The following BRCA1 variants were observed in gnomAD, a reference collection of about 807,000 sequenced individuals.
BRCA1 encodes breast cancer type 1 susceptibility protein.
BRCA1 carries 140 observed loss-of-function variants against 173.7 expected under a neutral mutation model. That is an observed-to-expected ratio of 0.81 (90% CI 0.70 to 0.93). The LOEUF (loss-of-function observed/expected upper bound fraction) is 0.93. Ranked by LOEUF, BRCA1 falls within the 40% of genes least tolerant of loss-of-function variation. The pLI, the probability that BRCA1 is intolerant of heterozygous loss-of-function variation, is 0.00. For synonymous variants in BRCA1, 662 were observed against 756.0 expected, an observed-to-expected ratio of 0.88 and a Z score of 2.04; for missense variants, 1,983 against 2,172.5, an observed-to-expected ratio of 0.91 and a Z score of 1.73.
intron 2 of BRCA1, 114 bp downstream of exon 2, chr17:43,123,903 G>T: frequency 1.2e-6 from 1 of 836,834 alleles, no homozygotes. Flanking sequence ...AATTACAATA[G>T]CCTAATCTTA....
At chr17:43,080,012 A>T (rs1288911508) in intron 12 of BRCA1, among the ~76,000 whole-genome samples, 1 of 152,178 alleles carries the variant, frequency 6.6e-6, no homozygotes, top group East Asian at 1.9e-4. Context: ...CTGAACAGCA[A>T]GCCCAACCTA....
Position 43,138,657 on chromosome 17 carries a change from G to C in BRCA1, c.-19-14542C>G, listed in dbSNP as rs2292595. On this transcript the variant is annotated intron_variant, in intron 1 of 7. Transcript: ENST00000634433. The stretch of plus-strand genomic sequence containing the variant: ...ATTCATTTCACCCCTTTCTGTGCAG[G>C]TGCTGGAAGCCCAGGAAGCACACAT... 0.34 allele frequency: 267,521 copies of C among 775,658 alleles called. 47,872 individuals carry two copies. Among genetic ancestry groups the C allele is most frequent in the South Asian group, 0.5 (36,903 of 73,986 alleles). 48.0% of individuals were successfully genotyped at this position (775,658 alleles called of 1,614,324 possible).
At chr17:43,127,315 A>G (rs181732251), upstream of BRCA1, among the ~76,000 whole-genome samples, 1 of 152,224 alleles carries the variant, frequency 6.6e-6, no homozygotes, top group African/African-American at 2.4e-5. Flanking sequence ...TTTTATATGC[A>G]CCAGTCAGCA....
chr17:43,102,543 G>C (rs1000510526), intron 6 of BRCA1, among the ~76,000 whole-genome samples: 1 of 151,392 alleles, frequency 6.6e-6, no homozygotes, highest in Admixed American at 6.6e-5. Flanking sequence ...TTTTAGTAGA[G>C]ACCGGGTTTC....
At chr17:43,084,329 C>T (rs1214215730) in intron 11 of BRCA1, among the ~76,000 whole-genome samples, 1 of 150,826 alleles carries the variant, frequency 6.6e-6, no homozygotes, top group African/African-American at 2.4e-5. Flanking sequence ...CACACCTGGC[C>T]TAATTTTTGT....
rs190715948 is a variant in BRCA1 at position 43,146,199 on chromosome 17, T to A, written c.-19-22084A>T. Among the ~76,000 whole-genome samples the A allele has an allele frequency of 1.7e-3, 256 of 152,194 alleles. 1 individual carries two copies. The highest frequency in any genetic ancestry group is 3.1e-3 in the Non-Finnish European group (214 of 68,018). ...ATCAACATGTGAAGATATGGGTACT[T>A]AGTCTCTTAAGGAAAATTTGCTTCC... On this transcript the variant is annotated intron_variant, in intron 1 of 7. Coordinates refer to the BRCA1 transcript ENST00000634433.
chr17:43,081,573 C>T (rs555977909), intron 12 of BRCA1, among the ~76,000 whole-genome samples: 2 of 152,162 alleles, frequency 1.3e-5, no homozygotes, highest in Non-Finnish European at 2.9e-5. Context: ...TACTCACCAC[C>T]CCTGCATGTT....
In BRCA1 at chr17:43,093,138, G is replaced by A. The variant is rs876660005; in HGVS notation, c.2393C>T (p.Pro798Leu). ...TGCACACTGACTCACACATTTATTT[G>A]GTTCTGTTTTTGCCTTCCCTAGAGT... Reference protein sequence around the residue: ...VSTLGKAKTEPNKCVSQCAAF... With the variant: ...VSTLGKAKTELNKCVSQCAAF... The change falls in exon 10 of 23, where the codon CCA becomes CTA. Residue 798 changes from proline (P) to leucine (L), a missense_variant. By Grantham distance (98) the Pro-to-Leu change is moderately conservative. Coordinates refer to ENST00000357654, the MANE Select transcript of BRCA1 (RefSeq NM_007294.4). 15 of 1,613,282 alleles carry A rather than the reference G, an allele frequency of 9.3e-6. No homozygotes were observed. The highest frequency in any genetic ancestry group is 1.2e-5 in the Non-Finnish European group (14 of 1,179,818).
At position 43,097,291 on chromosome 17, in the gene BRCA1, TA is replaced by T. The variant is rs398122353; in HGVS notation, c.548-3del. The stretch of plus-strand genomic sequence containing the variant: ...CGGTATCTTCAGAAGAATCAGATCC[TA>T]AAAAATTTCCCCCCAAAAAATAAAT... On this transcript the variant is annotated splice_polypyrimidine_tract_variant and splice_region_variant and intron_variant, in intron 7 of 22. Coordinates refer to ENST00000357654, the MANE Select transcript of BRCA1 (RefSeq NM_007294.4). 2 of 1,612,774 alleles carry T rather than the reference TA, an allele frequency of 1.2e-6. No individual in the cohort carries two copies. The highest frequency in any genetic ancestry group is 1.7e-6 in the Non-Finnish European group (2 of 1,179,202).
rs786201216 is a variant in BRCA1, at chr17:43,071,000, T to C, written c.4914A>G (p.Glu1638=). 12 of 1,614,118 alleles carry C rather than the reference T, an allele frequency of 7.4e-6. No homozygotes were observed. Among genetic ancestry groups the C allele is most frequent in the Non-Finnish European group, 1.0e-5 (12 of 1,180,042 alleles). ...TGACCCTTTCTGTTGAAGCTGTCAA[T>C]TCTGGCTTCTCCCTGCTCACACTTT... ...MEESVSREKP[E]LTASTERVNK... is the part of the protein sequence containing the mutation. Residue 1638 remains glutamate (E), a synonymous_variant, in exon 15 of 23, where the codon GAA becomes GAG. Coordinates refer to ENST00000357654, the MANE Select transcript of BRCA1 (RefSeq NM_007294.4).
At chr17:43,145,801 G>A (rs1286651166) in intron 1 of BRCA1, among the ~76,000 whole-genome samples, 2 of 152,024 alleles carry the variant, frequency 1.3e-5, no homozygotes, top group Non-Finnish European at 2.9e-5. Context: ...AGAAAATTGT[G>A]TAGGATATTG....
At chr17:43,154,242 T>G (rs922063565) in intron 1 of BRCA1, among the ~76,000 whole-genome samples, 4 of 151,202 alleles carry the variant, frequency 2.6e-5, no homozygotes, top group African/African-American at 4.9e-5. Context: ...TCCCAGCACT[T>G]CGGGAGGCCA....
chr17:43,154,795 A>G (rs141309253), intron 1 of BRCA1, among the ~76,000 whole-genome samples: 1 of 151,952 alleles, frequency 6.6e-6, no homozygotes, highest in African/African-American at 2.4e-5. Flanking sequence ...AGAATTAAAG[A>G]ATATATGGGA....
At chr17:43,100,682 T>TATATATATATATATATA (rs2054422190) in intron 6 of BRCA1, among the ~76,000 whole-genome samples, 1 of 74,472 alleles carries the variant, frequency 1.3e-5, no homozygotes, top group African/African-American at 1.5e-4. Flanking sequence ...ATATATAATA[T>TATATATATATATATATA]ATATATATAT....
chr17:43,110,999 G>C (rs1034063126), intron 3 of BRCA1, among the ~76,000 whole-genome samples: 9 of 151,720 alleles, frequency 5.9e-5, no homozygotes. Context: ...TACTTGGGAG[G>C]CTGAGGCAGG....
chr17:43,076,366 A>C lies in BRCA1; in HGVS notation c.4484+122T>G, dbSNP rs912331624. On this transcript the variant is annotated intron_variant, in intron 13 of 22. Transcript: ENST00000357654. ...ACAAAAGAAGTATCCTAGAGCAATA[A>C]AAGTGTATAAATGCCTGTATGCAAA... 11 of 1,194,280 alleles carry C rather than the reference A, an allele frequency of 9.2e-6. No individual in the cohort carries two copies. The Admixed American group carries it at 2.0e-4, about 22-fold the overall frequency. 74.0% of individuals were successfully genotyped at this position (1,194,280 alleles called of 1,614,324 possible).
chr17:43,067,766 A>G (rs34613393), intron 15 of BRCA1, 71 bp from the exon 16 acceptor site: 1 of 1,157,938 alleles, frequency 8.6e-7, no homozygotes, highest in Admixed American at 1.7e-5. Flanking sequence ...TAGTTATTCC[A>G]CCATGGCATA....
chr17:43,091,079 C>T (rs766094343), intron 10 of BRCA1, 47 bp from the exon 11 acceptor site: 8 of 1,515,158 alleles, frequency 5.3e-6, no homozygotes, highest in Non-Finnish European at 7.3e-6. Flanking sequence ...AGACTATAAA[C>T]GCTGCAACTT....
rs534861904 is a variant in BRCA1 at position 43,100,535 on chromosome 17, T to C, written c.442-655A>G. ...TTGTGTGTGTGTGTGTATATATATATACATATATATGTGTGTGTGTGTGTA... is the reference window on the plus strand; with the variant it reads ...TTGTGTGTGTGTGTGTATATATATACACATATATATGTGTGTGTGTGTGTA... On this transcript the variant is annotated intron_variant, in intron 6 of 22. Transcript: ENST00000357654. Among the ~76,000 whole-genome samples the C allele has an allele frequency of 1.8e-4, 9 of 50,210 alleles. No individual in the cohort carries two copies. In the East Asian group the frequency reaches 3.2e-3, roughly 18 times the overall value. The allele number at this position is 50,210 out of a possible 152,430, so 32.9% of individuals were successfully genotyped here.
Sources: gnomAD v4.1 joint callset for allele counts (sites outside exome capture counted in the v4.1 genomes callset) on GRCh38, gnomAD v4.1.1 for gene constraint, MANE v1.5 for transcripts, NCBI Gene and HGNC (gene_info 2026-07-23, HGNC 2026-07-21) for gene names.